The following NBPF15 variants were observed in gnomAD, a reference collection of about 807,000 sequenced individuals.
The protein encoded by NBPF15 is NBPF member 15.
In NBPF15, 74 loss-of-function variants were observed where a neutral mutation model predicts 62.2. The ratio of observed to expected loss-of-function variants is 1.19; its 90% CI spans 0.99 to 1.44. The LOEUF is 1.44. Among genes scored for constraint, NBPF15 ranks in the 40% most tolerant of loss-of-function variants. NBPF15 has a pLI of 0.00. For synonymous variants in NBPF15, 244 were observed against 209.7 expected (o/e 1.16, Z -1.41); for missense variants, 790 against 550.0 (o/e 1.44, Z -4.36).
At chr1:144,443,180 C>T (rs1284521555) in intron 6 of NBPF15, among the ~76,000 whole-genome samples, 2 of 151,822 alleles carry the variant, frequency 1.3e-5, no homozygotes, top group Admixed American at 6.6e-5. Context: ...ACCCATACCC[C>T]TCCTGTGTGT....
chr1:144,443,524 T>C (rs1288147683), intron 6 of NBPF15, among the ~76,000 whole-genome samples: 7 of 151,726 alleles, frequency 4.6e-5, no homozygotes, highest in African/African-American at 9.7e-5. Flanking sequence ...ATTGTGTTGA[T>C]GTAATATGCT....
chr1:144,451,983 C>G (rs1220405754), intron 4 of NBPF15, among the ~76,000 whole-genome samples: 8 of 151,682 alleles, frequency 5.3e-5, no homozygotes, highest in Non-Finnish European at 7.4e-5. Context: ...GAATCCCTGT[C>G]TCTACCAAAA....
chr1:144,447,840 CTGGTACAGCCTCGCTCAATTA>C (rs1688652836), intron 6 of NBPF15, among the ~76,000 whole-genome samples: 2 of 152,042 alleles, frequency 1.3e-5, no homozygotes, highest in South Asian at 4.1e-4. Flanking sequence ...GGCATTGGGG[CTGGTACAGCCTCGCTCAATTA>C]TGGGTTGAAG....
chr1:144,426,497 A>T, intron 17 of NBPF15, 47 bp from the exon 18 acceptor site: 1 of 797,352 alleles, frequency 1.3e-6, no homozygotes, highest in Non-Finnish European at 2.3e-6. Context: ...AGAATCAGAA[A>T]CCACACAGCC....
chr1:144,458,276 T>C (rs1209539241), intron 3 of NBPF15, among the ~76,000 whole-genome samples: 1 of 151,914 alleles, frequency 6.6e-6, no homozygotes, highest in Non-Finnish European at 1.5e-5. Flanking sequence ...GACAGGAAGA[T>C]TGTAAAAATT....
At chr1:144,458,101 A>C (rs1289973389) in intron 3 of NBPF15, among the ~76,000 whole-genome samples, 1 of 151,934 alleles carries the variant, frequency 6.6e-6, no homozygotes, top group Admixed American at 6.6e-5. Context: ...AAAAAAAAAA[A>C]AATTGTTCGA....
chr1:144,458,200 T>C (rs1464226934), intron 3 of NBPF15, among the ~76,000 whole-genome samples: 1 of 151,986 alleles, frequency 6.6e-6, no homozygotes, highest in Non-Finnish European at 1.5e-5. Context: ...TTAGGTACGA[T>C]CCATAAAGTT....
At chr1:144,455,426 G>T (rs1462593627) in intron 4 of NBPF15, among the ~76,000 whole-genome samples, 4 of 152,022 alleles carry the variant, frequency 2.6e-5, no homozygotes, top group Non-Finnish European at 5.9e-5. Flanking sequence ...AAAACTATAT[G>T]CTGTTTCCAC....
chr1:144,427,717 C>A (rs1200037452), intron 16 of NBPF15, 101 bp downstream of exon 16: 2 of 613,930 alleles, frequency 3.3e-6, no homozygotes, highest in East Asian at 5.5e-5. Flanking sequence ...CTCCCTGTGG[C>A]AATGACATCT....
chr1:144,436,667 C>A (rs1344513624), intron 10 of NBPF15, among the ~76,000 whole-genome samples: 1 of 152,030 alleles, frequency 6.6e-6, no homozygotes, highest in Non-Finnish European at 1.5e-5. Flanking sequence ...GCCTCATACT[C>A]CAAAGACCAC....
rs1667003293 is a variant in NBPF15 at position 144,423,257 on chromosome 1, C to A, written c.1770-1G>T. The A allele has an allele frequency of 6.2e-7, 1 of 1,611,170 alleles. No individual in the cohort carries two copies. The highest frequency in any genetic ancestry group is 1.7e-5 in the Admixed American group (1 of 59,900). On this transcript the variant is annotated splice_acceptor_variant, in intron 21 of 21. Coordinates refer to ENST00000581897, the MANE Select transcript of NBPF15 (RefSeq NM_001385408.1). LOFTEE classifies it high-confidence loss of function. ...CACTTCCATCAGCACGCCGTAGAGC[C>A]TGGAAAAGGAGACAAAACTAAAGAA...
chr1:144,436,906 T>A lies in NBPF15; in HGVS notation c.482A>T (p.Lys161Met). ...TATGGCCACCTTACCTGGGCTGAGCTTTTGGACAAGGTGCTGTGTCAGTCT... is the reference window on the plus strand; with the variant it reads ...TATGGCCACCTTACCTGGGCTGAGCATTTGGACAAGGTGCTGTGTCAGTCT... ...GCRLTQHLVQ[K>M]LSPENDNDDD... Residue 161 changes from lysine (K) to methionine (M), a missense_variant, in exon 10 of 22, where the codon AAG (lysine) becomes ATG (methionine). Coordinates refer to ENST00000581897, the MANE Select transcript of NBPF15 (RefSeq NM_001385408.1). 6.2e-7 allele frequency: 1 copy of A among 1,612,038 alleles called. No individual in the cohort carries two copies. Among genetic ancestry groups the A allele is most frequent in the Non-Finnish European group, 8.5e-7 (1 of 1,179,602 alleles).
intron 13 of NBPF15, among the ~76,000 whole-genome samples, chr1:144,432,429 T>A (rs1675042317): frequency 6.6e-6 from 1 of 152,000 alleles, no homozygotes; most frequent in Non-Finnish European, 1.5e-5. Flanking sequence ...GCTAATATCA[T>A]AATGACAGGA....
chr1:144,442,237 T>C (rs1184386725), intron 6 of NBPF15, among the ~76,000 whole-genome samples: 1 of 119,716 alleles, frequency 8.4e-6, no homozygotes, highest in Non-Finnish European at 1.7e-5. Context: ...ATTAATAATA[T>C]ATATTATTAA....
rs1681606818 is a variant in NBPF15 at position 144,439,980 on chromosome 1, C to G, written c.24G>C (p.Leu8Phe). ...TGTTCATCTCTGCCTTCTCGCTGGA[C>G]AAAGGGCCGGCTGATACCACCATGC... MVVSAGPLSSEKAEMNIL... is the reference protein window; with the variant it reads MVVSAGPFSSEKAEMNIL... The change falls in exon 8 of 22, where the codon TTG becomes TTC. Residue 8 changes from leucine (L) to phenylalanine (F), a missense_variant. Transcript: ENST00000581897. 1.5e-5 allele frequency: 24 copies of G among 1,610,006 alleles called. No homozygotes were observed. The highest frequency in any genetic ancestry group is 5.0e-5 in the Admixed American group (3 of 59,946).
intron 12 of NBPF15, among the ~76,000 whole-genome samples, chr1:144,434,119 C>T (rs1571124380): frequency 6.7e-6 from 1 of 149,500 alleles, no homozygotes; most frequent in Admixed American, 6.6e-5. Context: ...ATTGGTCAAA[C>T]AATTTTCTAA....
At chr1:144,444,311 A>G in intron 6 of NBPF15, among the ~76,000 whole-genome samples, 1 of 150,540 alleles carries the variant, frequency 6.6e-6, no homozygotes, top group East Asian at 1.9e-4. Context: ...CAAAGGCTGG[A>G]ATGTAACAAA....
intron 13 of NBPF15, among the ~76,000 whole-genome samples, chr1:144,433,053 A>C (rs1459129349): frequency 6.6e-6 from 1 of 152,008 alleles, no homozygotes; most frequent in Non-Finnish European, 1.5e-5. Context: ...ACATAGTTGG[A>C]GGTAAAGCAC....
chr1:144,452,541 G>A (rs1225888447), intron 4 of NBPF15, among the ~76,000 whole-genome samples: 3,421 of 120,168 alleles, frequency 0.028, no homozygotes, highest in South Asian at 0.086. Context: ...CAGGTTCAAG[G>A]GAATTTGGGA....
Sources: allele counts gnomAD v4.1 joint callset (sites outside exome capture counted in the v4.1 genomes callset), GRCh38; gene constraint gnomAD v4.1.1; transcripts MANE v1.5; gene names NCBI Gene and HGNC (gene_info 2026-07-23, HGNC 2026-07-21).